The following ERCC2 variants were observed in gnomAD, a reference collection of about 807,000 sequenced individuals.
ERCC2 encodes ERCC excision repair 2, TFIIH core complex helicase subunit, also known as general transcription and DNA repair factor IIH helicase subunit XPD.
Under a neutral mutation model 99.4 loss-of-function variants are expected in ERCC2, and 90 were observed. The observed-to-expected ratio is 0.91, with a 90% CI of 0.76 to 1.08. The LOEUF is 1.08. Ranked by LOEUF, ERCC2 falls within the 50% of genes least tolerant of loss-of-function variation. The pLI, the probability that ERCC2 is intolerant of heterozygous loss-of-function variation, is 0.00. For synonymous variants in ERCC2, 497 were observed against 432.4 expected (o/e 1.15, Z -1.85); for missense variants, 993 against 1,038.1 (o/e 0.96, Z 0.60).
In ERCC2 at chr19:45,350,648, G is replaced by T. The variant is rs369584425; in HGVS notation, c.*981C>A. 1.1e-5 allele frequency: 17 copies of T among 1,613,180 alleles called. No individual in the cohort carries two copies. The African/African-American group carries it at 2.0e-4, about 19-fold the overall frequency. ...TCCCCGGCCCCTCCCCAGGCCCTTC[G>T]CCGCAGCAGCTCACTCTCCAAGATC... On this transcript the variant is annotated 3_prime_UTR_variant, in exon 23 of 23. Transcript: ENST00000391945.
At chr19:45,365,217 C>A in intron 5 of ERCC2, 59 bp from the exon 6 acceptor site, 1 of 1,319,076 alleles carries the variant, frequency 7.6e-7, no homozygotes, top group Non-Finnish European at 1.1e-6. Context: ...ACTCTTCAAA[C>A]CCTGGTCTCC....
chr19:45,352,698 CCCTTGAT>C, intron 20 of ERCC2, 41 bp downstream of exon 20: 1 of 1,614,048 alleles, frequency 6.2e-7, no homozygotes, highest in African/African-American at 1.3e-5. Flanking sequence ...AGCCACTCCT[CCCTTGAT>C]CCTAACACTG....
In ERCC2 at chr19:45,351,135, A is replaced by G. The variant is rs945123808; in HGVS notation, c.*494T>C. ...CAGCAGGTGGTGGGTTGGTGTCAGA[A>G]GAGACCCAGGACAGGAGCAAAGATG... On this transcript the variant is annotated 3_prime_UTR_variant, in exon 23 of 23. Transcript: ENST00000391945. The G allele has an allele frequency of 6.9e-6, 11 of 1,602,760 alleles. No homozygotes were observed. Among genetic ancestry groups the G allele is most frequent in the Admixed American group, 5.1e-5 (3 of 59,050 alleles).
intron 19 of ERCC2, 57 bp downstream of exon 19, chr19:45,353,026 A>G (rs372469665): frequency 7.1e-6 from 11 of 1,547,648 alleles, no homozygotes; most frequent in African/African-American, 6.8e-5. Context: ...CAGAGCGGGC[A>G]GGTGTTCCAG....
At chr19:45,359,691 T>G (rs1395906869) in intron 12 of ERCC2, among the ~76,000 whole-genome samples, 1 of 152,044 alleles carries the variant, frequency 6.6e-6, no homozygotes, top group Non-Finnish European at 1.5e-5. Context: ...TCTCTCCCCA[T>G]GGCCACATCC....
At chr19:45,358,724 T>C in intron 12 of ERCC2, 1 of 703,324 alleles carries the variant, frequency 1.4e-6, no homozygotes, top group Non-Finnish European at 2.6e-6. Context: ...CCCAGCCACC[T>C]TTTCTACGCA....
intron 12 of ERCC2, chr19:45,357,926 A>G: frequency 1.7e-6 from 1 of 602,124 alleles, no homozygotes; most frequent in South Asian, 1.8e-5. Context: ...ACTTTCACGA[A>G]GGATCCCAAG....
Position 45,363,837 on chromosome 19 carries a change from A to G in ERCC2, c.1024T>C (p.Trp342Arg). 1 of 1,547,112 alleles carries G rather than the reference A, an allele frequency of 6.5e-7. No individual in the cohort carries two copies. Among genetic ancestry groups the G allele is most frequent in the Middle Eastern group, 1.7e-4 (1 of 5,980 alleles). ...FLRRLLEYVK[W>R]RLRVQHVVQE... is the part of the protein sequence containing the mutation. The stretch of plus-strand genomic sequence containing the variant: ...ACCACATGCTGCACACGCAGCCGCC[A>G]CTTCACGTACTCCAGCAGCCGCCTC... Residue 342 changes from tryptophan (W) to arginine (R), a missense_variant, in exon 11 of 23, where the codon TGG becomes CGG. By Grantham distance (101) the Trp-to-Arg change is moderately radical. Around this residue, in one of 3 missense-constraint regions of ERCC2, gnomAD observed 909 missense variants for 930.8 expected, o/e 0.98. Coordinates refer to ENST00000391945, the MANE Select transcript of ERCC2 (RefSeq NM_000400.4).
chr19:45,357,138 CT>C (rs1468169455), intron 15 of ERCC2, 131 bp downstream of exon 15: 1 of 658,110 alleles, frequency 1.5e-6, no homozygotes, highest in African/African-American at 1.8e-5. Flanking sequence ...AAGCCTAAGT[CT>C]GTCTGAATCC....
At position 45,357,538 on chromosome 19, in the gene ERCC2, A is replaced by G. The variant is rs903617969; in HGVS notation, c.1313T>C (p.Met438Thr). 2.5e-6 allele frequency: 4 copies of G among 1,614,066 alleles called. No homozygotes were observed. Among genetic ancestry groups the G allele is most frequent in the African/African-American group, 1.3e-5 (1 of 74,932 alleles). ...GGGTTTGATGGCCAGCGAGGCGTCC[A>G]TGCAGCTGGAGAGAGATGAGGGCAG... is the stretch of plus-strand genomic sequence containing the variant. ...IANPILHFSC[M>T]DASLAIKPVF... The change falls in exon 14 of 23, where the codon ATG (methionine) becomes ACG (threonine). Residue 438 changes from methionine (M) to threonine (T), a missense_variant. By Grantham distance (81) the Met-to-Thr change is moderately conservative. Transcript: ENST00000391945.
chr19:45,349,873 G>A lies in ERCC2; in HGVS notation c.*1756C>T, dbSNP rs934588717. 33 of 490,128 alleles carry A rather than the reference G, an allele frequency of 6.7e-5. 1 individual carries two copies. Among genetic ancestry groups the A allele is most frequent in the Admixed American group, 5.6e-4 (15 of 26,648 alleles). 30.4% of individuals were successfully genotyped at this position (490,128 alleles called of 1,614,324 possible). On this transcript the variant is annotated 3_prime_UTR_variant, in exon 23 of 23. Coordinates refer to ENST00000391945, the MANE Select transcript of ERCC2 (RefSeq NM_000400.4). ...GACATTTATTGAGCTCACTGTGGCC[G>A]GCTCCCCTCTTAGCCCGGTCCCCAC...
intron 22 of ERCC2, 58 bp downstream of exon 22, chr19:45,352,151 A>G: frequency 1.3e-6 from 2 of 1,592,240 alleles, no homozygotes; most frequent in Non-Finnish European, 1.7e-6. Context: ...ATCCAAGGGG[A>G]CTTTCTGGAG....
rs192826026 is a variant in ERCC2, at chr19:45,357,155, C to T, written c.1479+115G>A. Reference sequence around the variant, plus strand: ...GCCTAAGTCTGTCTGAATCCCGAACCCAGCCTCTTCGCTGTAAAGCTCTCC... The same window carrying T: ...GCCTAAGTCTGTCTGAATCCCGAACTCAGCCTCTTCGCTGTAAAGCTCTCC... On this transcript the variant is annotated intron_variant, in intron 15 of 22. Transcript: ENST00000391945. 1,302 of 737,310 alleles carry T rather than the reference C, an allele frequency of 1.8e-3. 4 individuals are homozygous for T. Among genetic ancestry groups the T allele is most frequent in the Middle Eastern group, 4.5e-3 (12 of 2,664 alleles). The allele number at this position is 737,310 out of a possible 1,614,324, so 45.7% of individuals were successfully genotyped here. A position where few individuals can be genotyped will look rare whatever the true frequency, so the allele number is the denominator to read the frequency against.
intron 15 of ERCC2, 30 bp from the exon 16 acceptor site, chr19:45,355,758 A>AGGC: frequency 6.2e-7 from 1 of 1,600,452 alleles, no homozygotes; most frequent in Non-Finnish European, 8.6e-7. Flanking sequence ...ACGATAAGCG[A>AGGC]GGCAGCAGCA....
At chr19:45,351,755 C>CT (rs769057807) in intron 22 of ERCC2, 34 bp from the exon 23 acceptor site, 2 of 1,602,054 alleles carry the variant, frequency 1.2e-6, no homozygotes, top group Non-Finnish European at 8.5e-7. Flanking sequence ...GAGGGGGGCA[C>CT]TGTTGGGCAG....
chr19:45,358,743 C>T, intron 12 of ERCC2: 1 of 734,814 alleles, frequency 1.4e-6, no homozygotes. Context: ...CAGACATATT[C>T]CAACACAACA....
rs763610846 is a variant in ERCC2, at chr19:45,352,268, C to T, written c.2131G>A (p.Asp711Asn). 1.4e-5 allele frequency: 22 copies of T among 1,614,150 alleles called. No individual in the cohort carries two copies. Among genetic ancestry groups the T allele is most frequent in the Non-Finnish European group, 1.8e-5 (21 of 1,180,020 alleles). Residue 711 changes from aspartate to asparagine, a missense_variant, in exon 22 of 23, where the codon GAC (aspartate) becomes AAC (asparagine). This residue lies in a region of ERCC2 where 909 missense variants were observed against 930.8 expected (regional missense o/e 0.98). Coordinates refer to ENST00000391945, the MANE Select transcript of ERCC2 (RefSeq NM_000400.4). ...LTDANLNLTV[D>N]EGVQVAKYFL... ...TACTTGGCCACCTGGACACCCTCGT[C>T]CACGGTCAGGTTGAGGTTGGCATCT...
In ERCC2 at chr19:45,363,501, G is replaced by T. The variant is rs369057603; in HGVS notation, c.1118+242C>A. Reference sequence around the variant, plus strand: ...GTGCTCCCACTCTCTCTTGGGTGGGGGAGATTCTCCAATCCAGCCAGGTGT... The same window carrying T: ...GTGCTCCCACTCTCTCTTGGGTGGGTGAGATTCTCCAATCCAGCCAGGTGT... On this transcript the variant is annotated intron_variant, in intron 11 of 22. Coordinates refer to ENST00000391945, the MANE Select transcript of ERCC2 (RefSeq NM_000400.4). Among the ~76,000 whole-genome samples the T allele has an allele frequency of 5.9e-5, 9 of 152,260 alleles. No homozygotes were observed. The East Asian group carries it at 7.7e-4, about 13-fold the overall frequency.
intron 15 of ERCC2, 55 bp downstream of exon 15, chr19:45,357,215 C>G: frequency 7.8e-7 from 1 of 1,282,194 alleles, no homozygotes; most frequent in Non-Finnish European, 1.1e-6. Context: ...GGAAGGAGGG[C>G]GGCCCCTTGC....
Sources: allele counts gnomAD v4.1 joint callset (sites outside exome capture counted in the v4.1 genomes callset), GRCh38; gene constraint gnomAD v4.1.1; regional missense constraint gnomAD v4.1.1; transcripts MANE v1.5; gene names NCBI Gene and HGNC (gene_info 2026-07-23, HGNC 2026-07-21).